Variants in POLN observed in about 807,000 individuals in gnomAD.
The protein encoded by POLN is DNA polymerase N.
Under a neutral mutation model 113.5 loss-of-function variants are expected in POLN, and 108 were observed. That is an observed-to-expected ratio of 0.95 (90% CI 0.81 to 1.12). The LOEUF is 1.12. POLN is among the 50% of genes most tolerant of loss of function. The pLI, the probability that POLN is intolerant of heterozygous loss-of-function variation, is 0.00. For synonymous variants in POLN, 386 were observed against 391.5 expected (o/e 0.99, Z 0.17); for missense variants, 1,097 against 1,077.1 (o/e 1.02, Z -0.26).
intron 20 of POLN, 72 bp downstream of exon 20, chr4:2,095,779 C>T (rs1730774402): frequency 1.5e-6 from 2 of 1,368,802 alleles, no homozygotes; most frequent in African/African-American, 1.4e-5. Context: ...GGCACAGCCA[C>T]ATTTAAACAC....
intron 16 of POLN, among the ~76,000 whole-genome samples, chr4:2,153,630 C>T (rs191252678): frequency 2.8e-4 from 42 of 151,586 alleles, no homozygotes; most frequent in African/African-American, 9.9e-4. Context: ...GTCACCCAGG[C>T]TGGAGTGCAG....
rs530127024 is a variant in POLN at position 2,132,015 on chromosome 4, G to A, written c.1732-725C>T. 1.8e-4 allele frequency among the ~76,000 whole-genome samples: 27 copies of A among 152,230 alleles called. 2 individuals carry two copies. The South Asian group carries it at 5.2e-3, about 29-fold the overall frequency. ...TCTTGACTCCCTGGCTAAATCTGAC[G>A]AATTGTGCCAAGCATCAAAGTCCTG... On this transcript the variant is annotated intron_variant, in intron 16 of 25. Transcript: ENST00000511885.
chr4:2,201,167 T>C (rs1042398071), intron 5 of POLN, among the ~76,000 whole-genome samples: 7 of 147,910 alleles, frequency 4.7e-5, no homozygotes, highest in Non-Finnish European at 7.4e-5. Flanking sequence ...CTCAAGAGGC[T>C]GAGGCAGGAG....
intron 2 of POLN, among the ~76,000 whole-genome samples, chr4:2,234,814 T>A (rs1473850537): frequency 6.6e-6 from 1 of 152,226 alleles, no homozygotes; most frequent in Non-Finnish European, 1.5e-5. Context: ...TCACTGCAAC[T>A]TTAAACCTGG....
intron 2 of POLN, among the ~76,000 whole-genome samples, chr4:2,233,613 G>C: frequency 6.6e-6 from 1 of 152,112 alleles, no homozygotes; most frequent in Non-Finnish European, 1.5e-5. Flanking sequence ...ATTGAACATT[G>C]AAATGTGATG....
intron 16 of POLN, among the ~76,000 whole-genome samples, chr4:2,153,990 G>C (rs997679421): frequency 6.6e-6 from 1 of 151,382 alleles, no homozygotes; most frequent in African/African-American, 2.4e-5. Flanking sequence ...AAGGTCAGGA[G>C]ATTGAGACCA....
At chr4:2,130,232 C>G (rs1202433476) in intron 17 of POLN, among the ~76,000 whole-genome samples, 1 of 145,266 alleles carries the variant, frequency 6.9e-6, no homozygotes, top group Non-Finnish European at 1.5e-5. Context: ...GGCAACAGAG[C>G]GAGACTCTGT....
intron 20 of POLN, chr4:2,088,693 T>C (rs756605012): frequency 2.0e-5 from 18 of 916,148 alleles, no homozygotes; most frequent in Non-Finnish European, 2.7e-5. Flanking sequence ...ACAACAGCCA[T>C]CAAGTTTTCT....
intron 14 of POLN, 111 bp downstream of exon 14, chr4:2,159,044 A>G: frequency 1.2e-6 from 1 of 826,790 alleles, no homozygotes; most frequent in Non-Finnish European, 2.1e-6. Flanking sequence ...TATTCCCCTG[A>G]GAACACTGGG....
At chr4:2,149,684 G>A (rs1732240542) in intron 16 of POLN, among the ~76,000 whole-genome samples, 1 of 152,198 alleles carries the variant, frequency 6.6e-6, no homozygotes, top group Admixed American at 6.5e-5. Flanking sequence ...TACTCTGAAG[G>A]ATGAGGCAGA....
At chr4:2,188,499 G>C (rs1331645582) in intron 7 of POLN, among the ~76,000 whole-genome samples, 2 of 151,998 alleles carry the variant, frequency 1.3e-5, no homozygotes, top group Non-Finnish European at 2.9e-5. Flanking sequence ...TACTCGGGAG[G>C]CTGAGGCAGG....
At chr4:2,199,230 CA>C (rs1215201637) in intron 5 of POLN, among the ~76,000 whole-genome samples, 2 of 151,972 alleles carry the variant, frequency 1.3e-5, no homozygotes, top group African/African-American at 2.4e-5. Context: ...GAACAAAATA[CA>C]TACAGGATAT....
chr4:2,131,319 T>C, intron 16 of POLN, 29 bp from the exon 17 acceptor site: 1 of 1,426,292 alleles, frequency 7.0e-7, no homozygotes, highest in Non-Finnish European at 9.9e-7. Flanking sequence ...TAGCTTTAGT[T>C]AAAATATCTA....
intron 7 of POLN, among the ~76,000 whole-genome samples, chr4:2,191,746 G>T (rs1208031729): frequency 2.0e-5 from 3 of 152,126 alleles, no homozygotes; most frequent in South Asian, 2.1e-4. Context: ...TCATACAATT[G>T]AAATATTTAG....
intron 21 of POLN, among the ~76,000 whole-genome samples, chr4:2,082,384 G>C (rs1249546321): frequency 6.6e-6 from 1 of 152,312 alleles, no homozygotes; most frequent in East Asian, 1.9e-4. Context: ...TGGACTGTGT[G>C]GGATGGAGGA....
intron 13 of POLN, among the ~76,000 whole-genome samples, chr4:2,169,502 T>C (rs1375794428): frequency 1.3e-5 from 2 of 152,224 alleles, no homozygotes; most frequent in African/African-American, 4.8e-5. Context: ...GAATGGCCGA[T>C]GCTTACTGGT....
At chr4:2,084,532 C>G (rs758685034) in intron 21 of POLN, among the ~76,000 whole-genome samples, 2 of 152,220 alleles carry the variant, frequency 1.3e-5, no homozygotes, top group East Asian at 3.9e-4. Flanking sequence ...GCTCCCCTTC[C>G]GGGCTAGTGT....
At chr4:2,212,951 T>C in intron 4 of POLN, 96 bp downstream of exon 4, 1 of 674,426 alleles carries the variant, frequency 1.5e-6, no homozygotes. Context: ...TAAGGTGTGG[T>C]ATCTACAGTG....
At chr4:2,170,304 G>T (rs1426899703) in intron 13 of POLN, among the ~76,000 whole-genome samples, 1 of 152,178 alleles carries the variant, frequency 6.6e-6, no homozygotes, top group African/African-American at 2.4e-5. Context: ...CAAGAGAGGG[G>T]TAGGTAAAAT....
Sources: gnomAD v4.1 joint callset for allele counts (sites outside exome capture counted in the v4.1 genomes callset) on GRCh38, gnomAD v4.1.1 for gene constraint, MANE v1.5 for transcripts, NCBI Gene and HGNC (gene_info 2026-07-23, HGNC 2026-07-21) for gene names.